Variants in CFAP46 observed in about 807,000 individuals in gnomAD.
CFAP46 encodes the protein cilia- and flagella-associated protein 46.
A neutral mutation model predicts 325.7 loss-of-function variants in CFAP46; 245 were observed. The observed-to-expected ratio is 0.75, with a 90% CI of 0.68 to 0.84. The LOEUF is 0.84. CFAP46 is among the 40% of genes least tolerant of loss of function. CFAP46 has a pLI of 0.00. For missense variants in CFAP46, 3,346 were observed against 3,543.0 expected (o/e 0.94, Z 1.41); for synonymous variants, 1,523 against 1,495.9 (o/e 1.02, Z -0.42).
At chr10:132,897,408 C>G in intron 24 of CFAP46, among the ~76,000 whole-genome samples, 1 of 152,226 alleles carries the variant, frequency 6.6e-6, no homozygotes, top group Non-Finnish European at 1.5e-5. Flanking sequence ...CTGGCATGAA[C>G]CTCCGTCTGC....
intron 39 of CFAP46, among the ~76,000 whole-genome samples, chr10:132,851,759 A>T (rs1164152898): frequency 6.6e-6 from 1 of 152,268 alleles, no homozygotes; most frequent in African/African-American, 2.4e-5. Context: ...CTATTCAAAT[A>T]TTTTATTTCC....
In CFAP46 at chr10:132,862,069, G is replaced by A. The variant is rs370069625; in HGVS notation, c.4891-1087C>T. Among the ~76,000 whole-genome samples, 1,406 of 152,362 alleles carry A rather than the reference G, an allele frequency of 9.2e-3. 12 individuals are homozygous for A. Among genetic ancestry groups the A allele is most frequent in the South Asian group, 0.043 (209 of 4,830 alleles). ...CATGCACCTGGGCATGGCTGTGACC[G>A]CCAGACGGCGTAGGCAGGGCCTGGG... On this transcript the variant is annotated intron_variant, in intron 35 of 57. Transcript: ENST00000368586.
At position 132,913,108 on chromosome 10, in the gene CFAP46, C is replaced by G; in HGVS notation, c.2271G>C (p.Gln757His). 1 of 1,550,436 alleles carries G rather than the reference C, an allele frequency of 6.4e-7. No individual in the cohort carries two copies. Among genetic ancestry groups the G allele is most frequent in the Non-Finnish European group, 8.7e-7 (1 of 1,147,008 alleles). The stretch of plus-strand genomic sequence containing the variant: ...GGTACAGGGCGTCCACCAGCTCCTT[C>G]TGCCGCCCGGCCAGGATCAGGTGGT... ...HNHHLILAGRQKELVDALYHL... is the reference protein window; with the variant it reads ...HNHHLILAGRHKELVDALYHL... Residue 757 changes from glutamine to histidine, a missense_variant, in exon 18 of 58, where the codon CAG becomes CAC. Coordinates refer to ENST00000368586, the MANE Select transcript of CFAP46 (RefSeq NM_001200049.3).
intron 35 of CFAP46, among the ~76,000 whole-genome samples, chr10:132,861,610 G>A (rs1046995739): frequency 6.6e-6 from 1 of 152,234 alleles, no homozygotes; most frequent in African/African-American, 2.4e-5. Flanking sequence ...GCAGCCACAT[G>A]ATCTGGGACA....
chr10:132,909,286 G>A (rs780248022), intron 20 of CFAP46, 42 bp from the exon 21 acceptor site: 47 of 1,392,920 alleles, frequency 3.4e-5, no homozygotes, highest in South Asian at 3.2e-4. Flanking sequence ...CCAAGCGTGC[G>A]GGGGGAGTCT....
chr10:132,902,416 G>GATAA (rs1261240452), intron 22 of CFAP46, among the ~76,000 whole-genome samples: 1 of 152,184 alleles, frequency 6.6e-6, no homozygotes, highest in Admixed American at 6.5e-5. Context: ...CCAGCCTGAT[G>GATAA]ATAACACTCT....
At chr10:132,899,145 C>T (rs548994525) in intron 23 of CFAP46, 24 bp from the exon 24 acceptor site, 248 of 1,539,984 alleles carry the variant, frequency 1.6e-4, no homozygotes, top group East Asian at 1.1e-3. Flanking sequence ...GGTCATGACG[C>T]GGTGGCTCCA....
chr10:132,843,524 C>G (rs1198651995), intron 44 of CFAP46, among the ~76,000 whole-genome samples: 1 of 147,380 alleles, frequency 6.8e-6, no homozygotes, highest in Non-Finnish European at 1.5e-5. Flanking sequence ...TGGGCGTTCC[C>G]AGGGTGCTGT....
chr10:132,868,607 G>A (rs57727872), intron 33 of CFAP46, among the ~76,000 whole-genome samples: 3 of 152,214 alleles, frequency 2.0e-5, no homozygotes, highest in Non-Finnish European at 2.9e-5. Context: ...ATGTAACGGC[G>A]AAATGGCCGG....
intron 20 of CFAP46, 41 bp from the exon 21 acceptor site, chr10:132,909,285 C>G (rs756375555): frequency 7.2e-7 from 1 of 1,394,002 alleles, no homozygotes. Context: ...CCCAAGCGTG[C>G]GGGGGGAGTC....
chr10:132,855,692 G>C (rs1194630895), intron 39 of CFAP46, among the ~76,000 whole-genome samples: 2 of 152,038 alleles, frequency 1.3e-5, no homozygotes, highest in East Asian at 3.9e-4. Flanking sequence ...TCTGTATTCT[G>C]GTATTTCTGT....
At chr10:132,830,288 C>T (rs1487219486) in intron 50 of CFAP46, among the ~76,000 whole-genome samples, 3 of 152,070 alleles carry the variant, frequency 2.0e-5, no homozygotes, top group African/African-American at 7.2e-5. Context: ...GGATTACAGG[C>T]ACATGCCACC....
intron 25 of CFAP46, among the ~76,000 whole-genome samples, chr10:132,891,448 C>T (rs772728448): frequency 4.6e-5 from 7 of 152,120 alleles, no homozygotes; most frequent in Non-Finnish European, 1.0e-4. Flanking sequence ...GCTTTGTAGC[C>T]GTAAGACACC....
chr10:132,850,322 C>G lies in CFAP46; in HGVS notation c.5874G>C (p.Leu1958=), dbSNP rs769746935. 2.4e-5 allele frequency: 38 copies of G among 1,552,258 alleles called. No individual in the cohort carries two copies. The highest frequency in any genetic ancestry group is 3.1e-5 in the Non-Finnish European group (36 of 1,147,900). ...CVEIRARLLG[L]AGRALHLLAM... ...CCAGCAGGTGCAGGGCCCTCCCGGC[C>G]AGGCCCAGGAGCCGGGCGCGGATCT... Residue 1958 remains leucine (L), a synonymous_variant, in exon 41 of 58, where the codon CTG becomes CTC. Coordinates refer to ENST00000368586, the MANE Select transcript of CFAP46 (RefSeq NM_001200049.3).
Position 132,846,912 on chromosome 10 carries a change from T to C in CFAP46, c.6267+20A>G. 1 of 1,593,008 alleles carries C rather than the reference T, an allele frequency of 6.3e-7. No individual in the cohort carries two copies. Among genetic ancestry groups the C allele is most frequent in the Non-Finnish European group, 8.6e-7 (1 of 1,169,480 alleles). ...CCTCCATGAAGGGCCTGGCTGGAGGTGGGCAGGGCAGAGACACACCTGAGA... is the reference window on the plus strand; with the variant it reads ...CCTCCATGAAGGGCCTGGCTGGAGGCGGGCAGGGCAGAGACACACCTGAGA... On this transcript the variant is annotated intron_variant, in intron 43 of 57. Coordinates refer to ENST00000368586, the MANE Select transcript of CFAP46 (RefSeq NM_001200049.3).
At chr10:132,910,324 A>C (rs923400316) in intron 19 of CFAP46, among the ~76,000 whole-genome samples, 2 of 152,178 alleles carry the variant, frequency 1.3e-5, no homozygotes, top group African/African-American at 2.4e-5. Context: ...TCCCCACGGC[A>C]TGGGCCTGGG....
At position 132,860,459 on chromosome 10, in the gene CFAP46, C is replaced by T. The variant is rs759031250; in HGVS notation, c.5156G>A (p.Arg1719Gln). 3.8e-5 allele frequency: 59 copies of T among 1,551,082 alleles called. No homozygotes were observed. The East Asian group carries it at 7.6e-4, about 20-fold the overall frequency. ...FKILKKERPNRLPLLEFMITD... is the reference protein window; with the variant it reads ...FKILKKERPNQLPLLEFMITD... ...GATCATGAATTCCAGTAAAGGCAATCGGTTTGGTCTTTCTTTCTTGAGGAT... is the reference window on the plus strand; with the variant it reads ...GATCATGAATTCCAGTAAAGGCAATTGGTTTGGTCTTTCTTTCTTGAGGAT... Residue 1719 changes from arginine to glutamine, a missense_variant, in exon 37 of 58, where the codon CGA (arginine) becomes CAA (glutamine). Coordinates refer to ENST00000368586, the MANE Select transcript of CFAP46 (RefSeq NM_001200049.3).
intron 35 of CFAP46, among the ~76,000 whole-genome samples, chr10:132,862,264 G>C (rs116996579): frequency 0.048 from 7,354 of 152,308 alleles, 261 homozygotes; most frequent in Non-Finnish European, 0.068. Context: ...AGAAGGGCTG[G>C]CAAGGGTCCA....
At position 132,892,376 on chromosome 10, in the gene CFAP46, G is replaced by A. The variant is rs772343610; in HGVS notation, c.3261C>T (p.Ala1087=). ...CGGTCGTCCCGCCACCCTGGAAGTCGGCCGTGGGCCACTGGTGCAGAAGCA... is the reference window on the plus strand; with the variant it reads ...CGGTCGTCCCGCCACCCTGGAAGTCAGCCGTGGGCCACTGGTGCAGAAGCA... The part of the protein sequence containing the change: ...KTLLLHQWPT[A]DFQGGGTTEG... The change falls in exon 25 of 58, where the codon GCC becomes GCT. Residue 1087 remains alanine, a synonymous_variant. Coordinates refer to ENST00000368586, the MANE Select transcript of CFAP46 (RefSeq NM_001200049.3). The A allele has an allele frequency of 3.2e-5, 49 of 1,550,900 alleles. No homozygotes were observed. Among genetic ancestry groups the A allele is most frequent in the African/African-American group, 2.2e-4 (16 of 73,150 alleles).
Sources: allele counts gnomAD v4.1 joint callset (sites outside exome capture counted in the v4.1 genomes callset), GRCh38; gene constraint gnomAD v4.1.1; transcripts MANE v1.5; gene names NCBI Gene and HGNC (gene_info 2026-07-23, HGNC 2026-07-21).